SRGAP3: variants seen among roughly 807,000 people sequenced by gnomAD.
SRGAP3 encodes the protein SLIT-ROBO Rho GTPase-activating protein 3.
A neutral mutation model predicts 121.1 loss-of-function variants in SRGAP3; 39 were observed. The observed-to-expected ratio is 0.32, with a 90% CI of 0.25 to 0.42. The LOEUF is 0.42. SRGAP3 is among the 10% of genes least tolerant of loss of function. The pLI is 1.00. For synonymous variants in SRGAP3, 601 were observed against 570.0 expected, an observed-to-expected ratio of 1.05 and a Z score of -0.77; for missense variants, 1,213 against 1,470.6, an observed-to-expected ratio of 0.82 and a Z score of 2.86.
intron 1 of SRGAP3, chr3:9,330,728 C>A (rs989710216): frequency 1.3e-5 from 2 of 152,016 alleles, no homozygotes; most frequent in African/African-American, 4.8e-5. Flanking sequence ...GTGGTCAGAA[C>A]AAATTTATAG....
chr3:9,263,502 T>A (rs147696975), intron 3 of SRGAP3, among the ~76,000 whole-genome samples: 1,586 of 151,904 alleles, frequency 0.01, 17 homozygotes, highest in African/African-American at 0.025. Context: ...AAAAGAGAGA[T>A]GAATCAAATA....
intron 1 of SRGAP3, among the ~76,000 whole-genome samples, chr3:9,214,702 G>C (rs556150832): frequency 6.6e-6 from 1 of 152,218 alleles, no homozygotes; most frequent in Non-Finnish European, 1.5e-5. Flanking sequence ...TCTCGGTTTT[G>C]ATCTGTGCTT....
At chr3:9,173,920 A>T (rs1362868569) in intron 1 of SRGAP3, among the ~76,000 whole-genome samples, 2 of 152,258 alleles carry the variant, frequency 1.3e-5, no homozygotes, top group African/African-American at 4.8e-5. Context: ...AATGCCAGGC[A>T]CGTGATCATG....
At chr3:9,279,936 C>G (rs979073144) in intron 3 of SRGAP3, among the ~76,000 whole-genome samples, 4 of 152,142 alleles carry the variant, frequency 2.6e-5, no homozygotes, top group African/African-American at 9.7e-5. Flanking sequence ...AAGTTTGGGG[C>G]TCAGAATGAG....
At chr3:9,163,108 G>T (rs540986749) in intron 1 of SRGAP3, among the ~76,000 whole-genome samples, 1 of 152,372 alleles carries the variant, frequency 6.6e-6, no homozygotes, top group African/African-American at 2.4e-5. Flanking sequence ...GACACAGTCA[G>T]TGTTCAATAA....
intron 1 of SRGAP3, among the ~76,000 whole-genome samples, chr3:9,356,562 A>T (rs2030526624): frequency 6.6e-6 from 1 of 151,310 alleles, no homozygotes; most frequent in Non-Finnish European, 1.5e-5. Context: ...TTTAGTAGAG[A>T]TGGGGTTTCA....
intron 1 of SRGAP3, among the ~76,000 whole-genome samples, chr3:9,347,723 C>A (rs1425462828): frequency 6.6e-6 from 1 of 152,194 alleles, no homozygotes; most frequent in African/African-American, 2.4e-5. Context: ...TCCCATCTAG[C>A]CCTAGGAAGT....
chr3:9,313,749 T>A (rs1351379503), intron 3 of SRGAP3, among the ~76,000 whole-genome samples: 9 of 148,930 alleles, frequency 6.0e-5, no homozygotes, highest in Admixed American at 6.0e-4. Flanking sequence ...AATCCCAGCA[T>A]TCTGGGAGGC....
rs78796329 is a variant in SRGAP3 at position 9,086,099 on chromosome 3, A to G, written c.424-6012T>C. Among the ~76,000 whole-genome samples, 1,039 of 152,316 alleles carry G rather than the reference A, an allele frequency of 6.8e-3. 5 individuals are homozygous for G. Among genetic ancestry groups the G allele is most frequent in the African/African-American group, 0.023 (962 of 41,566 alleles). ...TGGCTGATCCAGAGAACACTCCTTC[A>G]TCGTTCCCCTAGAAGCTAAATTCAG... On this transcript the variant is annotated intron_variant, in intron 3 of 21. Coordinates refer to ENST00000383836, the MANE Select transcript of SRGAP3 (RefSeq NM_014850.4).
chr3:9,128,226 A>C (rs1295080552), intron 1 of SRGAP3, among the ~76,000 whole-genome samples: 1 of 152,222 alleles, frequency 6.6e-6, no homozygotes, highest in African/African-American at 2.4e-5. Context: ...TCCCATACAA[A>C]GTTATGCTTT....
In SRGAP3 at chr3:9,060,240, A is replaced by T. The variant is rs1416260265; in HGVS notation, c.792T>A (p.Asp264Glu). The change falls in exon 6 of 22, where the codon GAT becomes GAA. Residue 264 changes from aspartate (D) to glutamate (E), a missense_variant. Asp to Glu is a conservative substitution (Grantham distance 45). Transcript: ENST00000383836. Reference sequence around the variant, plus strand: ...TCCCCAGGGAGCTCACATCGATCAGATCAGAGACATCATGGATGTAGTATT... The same window carrying T: ...TCCCCAGGGAGCTCACATCGATCAGTTCAGAGACATCATGGATGTAGTATT... The part of the protein sequence containing the change: ...ISKYYIHDVS[D>E]LIDCCDLGFH... The T allele has an allele frequency of 1.2e-6, 2 of 1,614,038 alleles. No individual in the cohort carries two copies. Among genetic ancestry groups the T allele is most frequent in the Admixed American group, 1.7e-5 (1 of 60,020 alleles).
intron 1 of SRGAP3, among the ~76,000 whole-genome samples, chr3:9,172,171 G>A (rs1279630772): frequency 2.7e-5 from 4 of 146,614 alleles, no homozygotes; most frequent in African/African-American, 1.0e-4. Flanking sequence ...TCCACTCACT[G>A]CAACCTCCAC....
At chr3:9,313,089 A>G (rs1036933464) in intron 3 of SRGAP3, among the ~76,000 whole-genome samples, 3 of 152,126 alleles carry the variant, frequency 2.0e-5, no homozygotes, top group Admixed American at 2.0e-4. Flanking sequence ...GTGATCTGCA[A>G]TCTACCCATG....
At chr3:9,089,078 A>G (rs1947626616) in intron 3 of SRGAP3, among the ~76,000 whole-genome samples, 1 of 152,062 alleles carries the variant, frequency 6.6e-6, no homozygotes, top group South Asian at 2.1e-4. Context: ...ACTACCCAGT[A>G]TATACCAGCC....
intron 1 of SRGAP3, among the ~76,000 whole-genome samples, chr3:9,149,213 C>G (rs76394617): frequency 3.5e-4 from 20 of 56,616 alleles, no homozygotes; most frequent in Non-Finnish European, 6.4e-4. Flanking sequence ...GACTCCGTCT[C>G]AAAAAAAAAA....
At chr3:8,986,110 C>A (rs568298129) in intron 21 of SRGAP3, among the ~76,000 whole-genome samples, 178 bp from the exon 22 acceptor site, 2 of 152,276 alleles carry the variant, frequency 1.3e-5, no homozygotes, top group South Asian at 4.1e-4. Flanking sequence ...ATATCCCCTG[C>A]ATGCTGCCTT....
At chr3:9,008,729 A>T (rs1436477497) in intron 18 of SRGAP3, among the ~76,000 whole-genome samples, 1 of 152,178 alleles carries the variant, frequency 6.6e-6, no homozygotes, top group Non-Finnish European at 1.5e-5. Flanking sequence ...AGTCTGATCA[A>T]GCTGAACGTG....
chr3:9,012,099 A>G (rs1410147498), intron 17 of SRGAP3, among the ~76,000 whole-genome samples: 1 of 152,202 alleles, frequency 6.6e-6, no homozygotes, highest in Non-Finnish European at 1.5e-5. Context: ...TAGTGCCTCA[A>G]ACGAGATTAG....
At chr3:9,073,439 G>A (rs1310511849) in intron 4 of SRGAP3, among the ~76,000 whole-genome samples, 1 of 152,202 alleles carries the variant, frequency 6.6e-6, no homozygotes. Context: ...GCCAAGCCCA[G>A]CCCAGATAAG....
Sources: gnomAD v4.1 joint callset for allele counts (sites outside exome capture counted in the v4.1 genomes callset) on GRCh38, gnomAD v4.1.1 for gene constraint, MANE v1.5 for transcripts, NCBI Gene and HGNC (gene_info 2026-07-23, HGNC 2026-07-21) for gene names.